DCBLD2: variants seen among roughly 807,000 people sequenced by gnomAD.
The protein encoded by DCBLD2 is discoidin, CUB and LCCL domain-containing protein 2.
Under a neutral mutation model 86.8 loss-of-function variants are expected in DCBLD2, and 54 were observed. The ratio of observed to expected loss-of-function variants is 0.62; its 90% CI spans 0.50 to 0.78. DCBLD2 has a LOEUF of 0.78. Among genes scored for constraint, DCBLD2 ranks in the 30% least tolerant of loss-of-function variants. The pLI is 0.00. For missense variants in DCBLD2, 908 were observed against 954.2 expected, an observed-to-expected ratio of 0.95 and a Z score of 0.64; for synonymous variants, 354 against 341.3, an observed-to-expected ratio of 1.04 and a Z score of -0.41.
At chr3:98,836,752 G>T (rs1942465910) in intron 3 of DCBLD2, among the ~76,000 whole-genome samples, 1 of 80,070 alleles carries the variant, frequency 1.2e-5, no homozygotes. Flanking sequence ...CTCCCGGACG[G>T]GGTGGCTGGC....
rs1307867018 is a variant in DCBLD2, at chr3:98,822,693, T to A, written c.672A>T (p.Gly224=). 6.3e-7 allele frequency: 1 copy of A among 1,595,442 alleles called. No individual in the cohort carries two copies. The highest frequency in any genetic ancestry group is 8.5e-7 in the Non-Finnish European group (1 of 1,170,452). ...GCLLPFAEIS[G]TIPHGYRDSS... is the part of the protein sequence containing the mutation. The stretch of plus-strand genomic sequence containing the variant: ...CATCTCTATATCCATGAGGAATTGT[T>A]CCAGATATCTCAGCAAAAGGAAGCA... Residue 224 remains glycine (G), a synonymous_variant, in exon 5 of 16, where the codon GGA becomes GGT. Coordinates refer to ENST00000326840, the MANE Select transcript of DCBLD2 (RefSeq NM_080927.4).
intron 2 of DCBLD2, among the ~76,000 whole-genome samples, chr3:98,853,345 T>A (rs1345539901): frequency 1.3e-5 from 2 of 152,144 alleles, no homozygotes; most frequent in East Asian, 3.9e-4. Context: ...AAAGGAAATC[T>A]AGGCCAGTTT....
chr3:98,808,999 A>C (rs1354381416), intron 12 of DCBLD2, among the ~76,000 whole-genome samples: 1 of 152,160 alleles, frequency 6.6e-6, no homozygotes, highest in Non-Finnish European at 1.5e-5. Context: ...AAATGACGTT[A>C]CATCATAATG....
At chr3:98,830,712 C>T (rs1942305421) in intron 3 of DCBLD2, among the ~76,000 whole-genome samples, 1 of 152,106 alleles carries the variant, frequency 6.6e-6, no homozygotes, top group Non-Finnish European at 1.5e-5. Flanking sequence ...ATTGCCTTGG[C>T]TATTTGGGCT....
intron 2 of DCBLD2, among the ~76,000 whole-genome samples, chr3:98,869,241 T>C (rs1436938820): frequency 6.6e-6 from 1 of 152,246 alleles, no homozygotes; most frequent in East Asian, 1.9e-4. Context: ...GTTAGTCTTT[T>C]GTGTATCTTC....
intron 1 of DCBLD2, among the ~76,000 whole-genome samples, chr3:98,883,620 C>T (rs1943511961): frequency 6.6e-6 from 1 of 152,174 alleles, no homozygotes; most frequent in African/African-American, 2.4e-5. Context: ...GTTTCAGCAG[C>T]TGCTCCAACT....
rs183642238 is a variant in DCBLD2, at chr3:98,822,759, G to A, written c.624-18C>T. On this transcript the variant is annotated intron_variant, in intron 4 of 15. Coordinates refer to ENST00000326840, the MANE Select transcript of DCBLD2 (RefSeq NM_080927.4). ...AGTACTTACTGAGAAATGAAAACAA[G>A]CAAAAGGTTACATAATGCTGTATTT... 6.4e-7 allele frequency: 1 copy of A among 1,568,368 alleles called. No individual in the cohort carries two copies. The highest frequency in any genetic ancestry group is 8.6e-7 in the Non-Finnish European group (1 of 1,158,136).
intron 6 of DCBLD2, 137 bp downstream of exon 6, chr3:98,822,091 A>C (rs775955836): frequency 2.9e-6 from 3 of 1,048,866 alleles, no homozygotes; most frequent in Non-Finnish European, 4.5e-6. Flanking sequence ...CACTAATGTG[A>C]GTGCTTACTG....
intron 2 of DCBLD2, among the ~76,000 whole-genome samples, chr3:98,870,736 A>AG (rs1943250939): frequency 5.9e-5 from 5 of 84,664 alleles, no homozygotes; most frequent in African/African-American, 1.9e-4. Context: ...GAAAAGAAAG[A>AG]AAAAGAAAGA....
chr3:98,854,929 C>T (rs367578811), intron 2 of DCBLD2, among the ~76,000 whole-genome samples: 1 of 152,098 alleles, frequency 6.6e-6, no homozygotes, highest in Non-Finnish European at 1.5e-5. Context: ...AAGAGCTTCA[C>T]GACCTAGAAC....
chr3:98,799,329 C>T lies in DCBLD2; in HGVS notation c.*43G>A, dbSNP rs910163552. On this transcript the variant is annotated 3_prime_UTR_variant, in exon 16 of 16. Transcript: ENST00000326840. ...ACCACTAATAATTAAAAAAAAAAGG[C>T]CATGTGCTTTAAAACGATGCTTTGT... The T allele has an allele frequency of 8.8e-6, 13 of 1,473,328 alleles. No homozygotes were observed. The highest frequency in any genetic ancestry group is 1.2e-5 in the Non-Finnish European group (13 of 1,092,334). The allele number at this position is 1,473,328 out of a possible 1,614,324, so 91.3% of individuals were successfully genotyped here. A position where few individuals can be genotyped will look rare whatever the true frequency, so the allele number is the denominator to read the frequency against.
intron 13 of DCBLD2, 146 bp from the exon 14 acceptor site, chr3:98,801,795 A>C (rs1941725437): frequency 3.6e-6 from 2 of 555,398 alleles, no homozygotes; most frequent in East Asian, 5.9e-5. Context: ...TATGAGTGAG[A>C]ACATGCGGTG....
chr3:98,860,083 GC>G (rs1353124707), intron 2 of DCBLD2, among the ~76,000 whole-genome samples: 7 of 152,214 alleles, frequency 4.6e-5, no homozygotes, highest in Non-Finnish European at 1.0e-4. Flanking sequence ...GAATGCACAA[GC>G]TTCAGTAGAT....
chr3:98,852,905 C>G lies in DCBLD2; in HGVS notation c.434-3307G>C, dbSNP rs904075020. On this transcript the variant is annotated intron_variant, in intron 2 of 15. Transcript: ENST00000326840. ...TACACTTGGAAGAGAACTGTGAGCC[C>G]CAGATGAGAAACGTATTCCCAGCTA... is the stretch of plus-strand genomic sequence containing the variant. Among the ~76,000 whole-genome samples, 3 of 152,064 alleles carry G rather than the reference C, an allele frequency of 2.0e-5. No individual in the cohort carries two copies. The South Asian group carries it at 6.2e-4, about 32-fold the overall frequency.
At chr3:98,895,925 A>G (rs1943743634) in intron 1 of DCBLD2, among the ~76,000 whole-genome samples, 1 of 152,148 alleles carries the variant, frequency 6.6e-6, no homozygotes, top group East Asian at 1.9e-4. Context: ...ATAGTTCTTA[A>G]TGAGAGAATG....
rs1346315893 is a variant in DCBLD2 at position 98,817,771 on chromosome 3, T to C, written c.1210A>G (p.Lys404Glu). The change falls in exon 9 of 16, where the codon AAG (lysine) becomes GAG (glutamate). Residue 404 changes from lysine to glutamate, a missense_variant and splice_region_variant. Lys to Glu is a moderately conservative substitution (Grantham distance 56, BLOSUM62 1). Transcript: ENST00000326840. ...AAATACCTTGGTAATCATTTTACCT[T>C]ATCTTGCTCCACACCAGGCTCTCTG... is the stretch of plus-strand genomic sequence containing the variant. ...VYREPGVEQDKIFQGNKDYHQ... is the reference protein window; with the variant it reads ...VYREPGVEQDEIFQGNKDYHQ... The C allele has an allele frequency of 1.2e-6, 2 of 1,613,186 alleles. No homozygotes were observed. Among genetic ancestry groups the C allele is most frequent in the Non-Finnish European group, 1.7e-6 (2 of 1,179,500 alleles).
chr3:98,859,081 C>T (rs1942992055), intron 2 of DCBLD2, among the ~76,000 whole-genome samples: 1 of 152,172 alleles, frequency 6.6e-6, no homozygotes, highest in African/African-American at 2.4e-5. Context: ...GAGATTACAT[C>T]CCACGCCTGG....
chr3:98,817,314 G>A (rs1341017068), intron 9 of DCBLD2, among the ~76,000 whole-genome samples: 1 of 152,206 alleles, frequency 6.6e-6, no homozygotes, highest in Non-Finnish European at 1.5e-5. Flanking sequence ...GAAAGTTGGT[G>A]AGATGATCTT....
At chr3:98,886,441 C>A (rs574262410) in intron 1 of DCBLD2, among the ~76,000 whole-genome samples, 1 of 152,054 alleles carries the variant, frequency 6.6e-6, no homozygotes, top group East Asian at 1.9e-4. Flanking sequence ...TAAAACTACT[C>A]TTGGAAAAAA....
Sources: allele counts gnomAD v4.1 joint callset (sites outside exome capture counted in the v4.1 genomes callset), GRCh38; gene constraint gnomAD v4.1.1; transcripts MANE v1.5; gene names NCBI Gene and HGNC (gene_info 2026-07-23, HGNC 2026-07-21).